MAP3K4: variants seen among roughly 807,000 people sequenced by gnomAD.
The protein encoded by MAP3K4 is mitogen-activated protein kinase kinase kinase 4.
In MAP3K4, 67 loss-of-function variants were observed where a neutral mutation model predicts 185.6. That is an observed-to-expected ratio of 0.36 (90% confidence interval 0.30 to 0.44). The LOEUF (loss-of-function observed/expected upper bound fraction) is 0.44. Among genes scored for constraint, MAP3K4 ranks in the 20% least tolerant of loss-of-function variants. The pLI is 1.00. For synonymous variants in MAP3K4, 702 were observed against 710.4 expected (o/e 0.99, Z 0.19); for missense variants, 1,551 against 1,995.1 (o/e 0.78, Z 4.24).
At chr6:161,044,839 G>A (rs1783649105) in intron 2 of MAP3K4, among the ~76,000 whole-genome samples, 1 of 152,152 alleles carries the variant, frequency 6.6e-6, no homozygotes, top group Admixed American at 6.5e-5. Flanking sequence ...GAGAGAGAGG[G>A]AACAAGAGAG....
intron 1 of MAP3K4, among the ~76,000 whole-genome samples, chr6:161,026,765 T>A (rs1782691278): frequency 6.8e-6 from 1 of 147,040 alleles, no homozygotes; most frequent in Non-Finnish European, 1.5e-5. Flanking sequence ...TTTGTAGTTC[T>A]CATTGGAAAG....
At chr6:161,028,131 T>C (rs1782757803) in intron 1 of MAP3K4, among the ~76,000 whole-genome samples, 1 of 152,224 alleles carries the variant, frequency 6.6e-6, no homozygotes, top group Non-Finnish European at 1.5e-5. Flanking sequence ...AGCGTAGATA[T>C]GCAGGTTTGT....
chr6:161,092,244 G>T, intron 13 of MAP3K4, 101 bp downstream of exon 13: 1 of 1,326,622 alleles, frequency 7.5e-7, no homozygotes, highest in African/African-American at 1.5e-5. Context: ...CGACACAGAA[G>T]GGAACACTCT....
In MAP3K4 at chr6:161,115,351, C is replaced by G. The variant is rs1269576019; in HGVS notation, c.4806+49C>G. The G allele has an allele frequency of 1.3e-6, 2 of 1,529,804 alleles. No individual in the cohort carries two copies. The highest frequency in any genetic ancestry group is 2.7e-5 in the African/African-American group (2 of 72,822). 94.8% of individuals were successfully genotyped at this position (1,529,804 alleles called of 1,614,324 possible). A position where few individuals can be genotyped will look rare whatever the true frequency, so the allele number is the denominator to read the frequency against. On this transcript the variant is annotated intron_variant, in intron 26 of 26. Coordinates refer to ENST00000392142, the MANE Select transcript of MAP3K4 (RefSeq NM_005922.4). This position sits in a 1 kb window ranked among gnomAD's most constrained non-coding sequence, Gnocchi z 6.0. ...TTTTTCATGTTTAAGTGTTTAAGTT[C>G]TGTTTTGCATCAAGACGTTAATGAA...
rs558152957 is a variant in MAP3K4, at chr6:161,064,658, T to G, written c.1708-5950T>G. ...GCACATTACTTTCTTCCACATGGGC[T>G]TTATTATGGATTTGTCAAATCCACA... On this transcript the variant is annotated intron_variant, in intron 3 of 26. Transcript: ENST00000392142. The surrounding 1 kb of genome is among the most constrained non-coding windows in gnomAD (Gnocchi z 4.3). 6.6e-6 allele frequency among the ~76,000 whole-genome samples: 1 copy of G among 152,358 alleles called. No individual in the cohort carries two copies. The highest frequency in any genetic ancestry group is 2.1e-4 in the South Asian group (1 of 4,828).
In MAP3K4 at chr6:161,046,331, C is replaced by T. The variant is rs189061640; in HGVS notation, c.344-2285C>T. Among the ~76,000 whole-genome samples the T allele has an allele frequency of 1.2e-4, 19 of 152,092 alleles. No homozygotes were observed. In the East Asian group the frequency reaches 2.7e-3, roughly 22 times the overall value. On this transcript the variant is annotated intron_variant, in intron 2 of 26. Coordinates refer to ENST00000392142, the MANE Select transcript of MAP3K4 (RefSeq NM_005922.4). Reference sequence around the variant, plus strand: ...TAAAGGTATAAAAAACACAGTTAAACGCATCAGAGCAAGAGAATTAAAGTT... The same window carrying T: ...TAAAGGTATAAAAAACACAGTTAAATGCATCAGAGCAAGAGAATTAAAGTT...
rs183341190 is a variant in MAP3K4, at chr6:161,042,040, G to A, written c.344-6576G>A. On this transcript the variant is annotated intron_variant, in intron 2 of 26. Transcript: ENST00000392142. ...CCAGAGTAGCTGACCCTCCTGGTGC[G>A]TGTCACCACCACAAGTTTCAGGCCT... 8.7e-3 allele frequency among the ~76,000 whole-genome samples: 1,298 copies of A among 148,900 alleles called. 23 individuals carry two copies. Among genetic ancestry groups the A allele is most frequent in the African/African-American group, 0.031 (1,239 of 40,464 alleles).
rs751364360 is a variant in MAP3K4 at position 161,048,728 on chromosome 6, A to C, written c.456A>C (p.Thr152=). ...QEKKIRAALR[T]TERDRKKNVQ... ...AAAAGATCCGAGCAGCTCTTAGAACAACAGAGCGTGATCGTAAAAAAAATG... is the reference window on the plus strand; with the variant it reads ...AAAAGATCCGAGCAGCTCTTAGAACCACAGAGCGTGATCGTAAAAAAAATG... The change falls in exon 3 of 27, where the codon ACA becomes ACC. Residue 152 remains threonine, a synonymous_variant. Coordinates refer to ENST00000392142, the MANE Select transcript of MAP3K4 (RefSeq NM_005922.4). This position sits in a 1 kb window ranked among gnomAD's most constrained non-coding sequence, Gnocchi z 4.7. 6.2e-7 allele frequency: 1 copy of C among 1,614,110 alleles called. No homozygotes were observed. Among genetic ancestry groups the C allele is most frequent in the South Asian group, 1.1e-5 (1 of 91,084 alleles).
rs1002376875 is a variant in MAP3K4, at chr6:161,114,453, C to T, written c.4627-670C>T. ...TGCTGAAACAGATCACATATAAGTG[C>T]TCAGTAAATATTAGCTAGCATTATT... On this transcript the variant is annotated intron_variant, in intron 25 of 26. Coordinates refer to ENST00000392142, the MANE Select transcript of MAP3K4 (RefSeq NM_005922.4). The surrounding 1 kb of genome is among the most constrained non-coding windows in gnomAD (Gnocchi z 4.3). 8.5e-5 allele frequency among the ~76,000 whole-genome samples: 13 copies of T among 152,168 alleles called. 1 individual carries two copies. Among genetic ancestry groups the T allele is most frequent in the Non-Finnish European group, 1.5e-5 (1 of 68,038 alleles).
rs1437620911 is a variant in MAP3K4 at position 161,108,083 on chromosome 6, A to C, written c.4119+114A>C. 1 of 888,798 alleles carries C rather than the reference A, an allele frequency of 1.1e-6. No individual in the cohort carries two copies. Among genetic ancestry groups the C allele is most frequent in the East Asian group, 2.6e-5 (1 of 37,944 alleles). 55.1% of individuals were successfully genotyped at this position (888,798 alleles called of 1,614,324 possible). A position where few individuals can be genotyped will look rare whatever the true frequency, so the allele number is the denominator to read the frequency against. On this transcript the variant is annotated intron_variant, in intron 21 of 26. Coordinates refer to ENST00000392142, the MANE Select transcript of MAP3K4 (RefSeq NM_005922.4). The surrounding 1 kb of genome is among the most constrained non-coding windows in gnomAD (Gnocchi z 5.7). ...TGTGCGTAGAGCTGTCTTCAGCACC[A>C]GCACTGCGACAGTCAGGACCAACCA...
At chr6:161,016,231 CT>C (rs945120390) in intron 1 of MAP3K4, among the ~76,000 whole-genome samples, 1 of 151,820 alleles carries the variant, frequency 6.6e-6, no homozygotes, top group African/African-American at 2.4e-5. Flanking sequence ...TTTAAGAGTT[CT>C]TTGTATATTC....
At position 161,054,923 on chromosome 6, in the gene MAP3K4, A is replaced by C. The variant is rs982019178; in HGVS notation, c.1707+4944A>C. Among the ~76,000 whole-genome samples the C allele has an allele frequency of 1.3e-5, 2 of 152,216 alleles. No homozygotes were observed. The highest frequency in any genetic ancestry group is 2.4e-5 in the African/African-American group (1 of 41,458). ...CATATCCATTTGTGGACCCAGATAC[A>C]ATCCAAGATCTTTTTTATATTTTCT... On this transcript the variant is annotated intron_variant, in intron 3 of 26. Coordinates refer to ENST00000392142, the MANE Select transcript of MAP3K4 (RefSeq NM_005922.4). This position sits in a 1 kb window ranked among gnomAD's most constrained non-coding sequence, Gnocchi z 4.2.
Position 161,082,496 on chromosome 6 carries a change from C to T in MAP3K4, c.2255+1458C>T, listed in dbSNP as rs1785505496. 6.6e-6 allele frequency among the ~76,000 whole-genome samples: 1 copy of T among 151,896 alleles called. No individual in the cohort carries two copies. Among genetic ancestry groups the T allele is most frequent in the South Asian group, 2.1e-4 (1 of 4,820 alleles). On this transcript the variant is annotated intron_variant, in intron 6 of 26. Coordinates refer to ENST00000392142, the MANE Select transcript of MAP3K4 (RefSeq NM_005922.4). This position sits in a 1 kb window ranked among gnomAD's most constrained non-coding sequence, Gnocchi z 4.2. Reference sequence around the variant, plus strand: ...GTCTCTGGCCTTTGCTTTCATGATCCTCGCCCTGAGAAGCTCCAGGGCTTT... The same window carrying T: ...GTCTCTGGCCTTTGCTTTCATGATCTTCGCCCTGAGAAGCTCCAGGGCTTT...
intron 11 of MAP3K4, among the ~76,000 whole-genome samples, chr6:161,089,707 T>C (rs1455801097): frequency 2.0e-5 from 3 of 152,342 alleles, no homozygotes; most frequent in Admixed American, 2.0e-4. Context: ...ATGTGACTTA[T>C]TCATAATGGC....
intron 5 of MAP3K4, among the ~76,000 whole-genome samples, chr6:161,079,152 T>C (rs1252694514): frequency 3.5e-5 from 5 of 141,488 alleles, no homozygotes; most frequent in South Asian, 2.2e-4. Flanking sequence ...AGGCAGTGGT[T>C]GCAGTAAGCC....
chr6:161,070,926 G>T lies in MAP3K4; in HGVS notation c.1950+76G>T. 7.5e-7 allele frequency: 1 copy of T among 1,338,552 alleles called. No individual in the cohort carries two copies. Among genetic ancestry groups the T allele is most frequent in the Non-Finnish European group, 9.9e-7 (1 of 1,011,404 alleles). The allele number at this position is 1,338,552 out of a possible 1,614,324, so 82.9% of individuals were successfully genotyped here. ...CAGGCTTATCATTTTTATTTTGAGA[G>T]TTCCTTTTTTTTTCTTAATTGTCGC... On this transcript the variant is annotated intron_variant, in intron 4 of 26. Transcript: ENST00000392142. This position sits in a 1 kb window ranked among gnomAD's most constrained non-coding sequence, Gnocchi z 4.5.
intron 3 of MAP3K4, among the ~76,000 whole-genome samples, chr6:161,069,072 C>T (rs367853495): frequency 1.3e-5 from 2 of 152,142 alleles, no homozygotes; most frequent in African/African-American, 2.4e-5. Flanking sequence ...GTTTTTAGAG[C>T]GTTTTTCCCA....
rs1307107850 is a variant in MAP3K4 at position 161,087,932 on chromosome 6, T to C, written c.2801T>C (p.Val934Ala). The change falls in exon 10 of 27, where the codon GTT becomes GCT. Residue 934 changes from valine (V) to alanine (A), a missense_variant. Coordinates refer to ENST00000392142, the MANE Select transcript of MAP3K4 (RefSeq NM_005922.4). This position sits in a 1 kb window ranked among gnomAD's most constrained non-coding sequence, Gnocchi z 4.9. ...PVKVVPQVETVDTLRSMQVDN... is the reference protein window; with the variant it reads ...PVKVVPQVETADTLRSMQVDN... ...AAAGTCGTGCCTCAGGTGGAGACTGTTGACACCCTGAGAAGCATGCAGGTA... is the reference window on the plus strand; with the variant it reads ...AAAGTCGTGCCTCAGGTGGAGACTGCTGACACCCTGAGAAGCATGCAGGTA... 1.2e-6 allele frequency: 2 copies of C among 1,613,580 alleles called. No individual in the cohort carries two copies. Among genetic ancestry groups the C allele is most frequent in the Non-Finnish European group, 8.5e-7 (1 of 1,179,884 alleles).
intron 19 of MAP3K4, among the ~76,000 whole-genome samples, chr6:161,104,433 A>AAAG (rs904223288): frequency 6.8e-6 from 1 of 146,810 alleles, no homozygotes; most frequent in African/African-American, 2.5e-5. Flanking sequence ...AAAAAAAAAA[A>AAAG]GCAGGCACAG....
Sources: allele counts gnomAD v4.1 joint callset (sites outside exome capture counted in the v4.1 genomes callset), GRCh38; gene constraint gnomAD v4.1.1; non-coding constraint Gnocchi (gnomAD v3.1); transcripts MANE v1.5; gene names NCBI Gene and HGNC (gene_info 2026-07-23, HGNC 2026-07-21).